Variants in SRSF10 observed in about 807,000 individuals in gnomAD.
The protein encoded by SRSF10 is serine and arginine rich splicing factor 10, also known as serine/arginine-rich splicing factor 10.
SRSF10 carries 9 observed loss-of-function variants against 32.6 expected under a neutral mutation model. That is an observed-to-expected ratio of 0.28 (90% CI 0.17 to 0.48). The LOEUF (loss-of-function observed/expected upper bound fraction) is 0.48, where lower values mean the gene tolerates loss of function less well. Among genes scored for constraint, SRSF10 ranks in the 20% least tolerant of loss-of-function variants. SRSF10 has a pLI of 0.99. For synonymous variants in SRSF10, 105 were observed against 112.4 expected, an observed-to-expected ratio of 0.93 and a Z score of 0.42; for missense variants, 201 against 331.8, an observed-to-expected ratio of 0.61 and a Z score of 3.06.
In SRSF10 at chr1:23,967,604, G is replaced by T; in HGVS notation, c.*3538C>A. On this transcript the variant is annotated 3_prime_UTR_variant, in exon 6 of 6. Transcript: ENST00000492112. ...ATATTCGTACAGTATTCATACTGCA[G>T]CACCTTCCACCCACCCTTTGGTCGC... 1.0e-6 allele frequency: 1 copy of T among 966,512 alleles called. No individual in the cohort carries two copies. The highest frequency in any genetic ancestry group is 1.7e-6 in the Non-Finnish European group (1 of 596,524). 59.9% of individuals were successfully genotyped at this position (966,512 alleles called of 1,614,324 possible).
chr1:23,975,635 C>T (rs1049223462), intron 2 of SRSF10: 1 of 152,272 alleles, frequency 6.6e-6, no homozygotes. Flanking sequence ...ATTTAACTGT[C>T]TTCCTTCCAC....
intron 2 of SRSF10, chr1:23,975,735 T>C (rs1031732032): frequency 2.0e-5 from 3 of 152,372 alleles, no homozygotes; most frequent in Admixed American, 6.5e-5. Flanking sequence ...AAAAGCGTTA[T>C]TACATCCATG....
chr1:23,971,903 T>A lies in SRSF10; in HGVS notation c.384A>T (p.Arg128Ser). 1 of 1,606,624 alleles carries A rather than the reference T, an allele frequency of 6.2e-7. No individual in the cohort carries two copies. The highest frequency in any genetic ancestry group is 8.5e-7 in the Non-Finnish European group (1 of 1,177,886). ...RSRSRSYERRRSRSRSFDYNY... is the reference protein window; with the variant it reads ...RSRSRSYERRSSRSRSFDYNY... ...TGTAATCAAAAGACCGACTTCTTGA[T>A]CTCCTCCTTTCATAACTTCGGCTTC... The change falls in exon 4 of 6, where the codon AGA (arginine) becomes AGT (serine). Residue 128 changes from arginine to serine, a missense_variant. Transcript: ENST00000492112.
Position 23,965,003 on chromosome 1 carries a change from GA to G in SRSF10, c.*6138del, listed in dbSNP as rs1641385219. 6.6e-6 allele frequency: 1 copy of G among 151,700 alleles called. No individual in the cohort carries two copies. The highest frequency in any genetic ancestry group is 2.1e-4 in the South Asian group (1 of 4,830). 9.4% of individuals were successfully genotyped at this position (151,700 alleles called of 1,614,324 possible). The stretch of plus-strand genomic sequence containing the variant: ...GTGAAACAGCTGTTACAAATACACA[GA>G]AACATAATAAAGATAACCAACACTG... On this transcript the variant is annotated 3_prime_UTR_variant, in exon 6 of 6. Coordinates refer to ENST00000492112, the MANE Select transcript of SRSF10 (RefSeq NM_054016.4).
At chr1:23,977,401 G>A (rs1642156994) in intron 2 of SRSF10, 1 of 152,254 alleles carries the variant, frequency 6.6e-6, no homozygotes, top group Non-Finnish European at 1.5e-5. Flanking sequence ...AACTCATTCA[G>A]GGCCAACTGA....
rs1257783554 is a variant in SRSF10, at chr1:23,970,094, C to T, written c.*1048G>A. On this transcript the variant is annotated 3_prime_UTR_variant, in exon 6 of 6. Coordinates refer to ENST00000492112, the MANE Select transcript of SRSF10 (RefSeq NM_054016.4). ...AACTAAGCAATATTATGGTCAACAA[C>T]GCTCCTTAAACTTTAGAATAACTAC... 2.9e-5 allele frequency: 29 copies of T among 985,280 alleles called. No homozygotes were observed. Among genetic ancestry groups the T allele is most frequent in the African/African-American group, 3.5e-5 (2 of 57,224 alleles). The allele number at this position is 985,280 out of a possible 1,614,324, so 61.0% of individuals were successfully genotyped here.
chr1:23,979,554 G>A (rs998652866), intron 1 of SRSF10, among the ~76,000 whole-genome samples: 46 of 152,254 alleles, frequency 3.0e-4, no homozygotes, highest in Admixed American at 2.1e-3. Context: ...AGCTGTCAAC[G>A]TCCTAATGAC....
rs1271618648 is a variant in SRSF10, at chr1:23,969,670, C to T, written c.*1472G>A. On this transcript the variant is annotated 3_prime_UTR_variant, in exon 6 of 6. Coordinates refer to ENST00000492112, the MANE Select transcript of SRSF10 (RefSeq NM_054016.4). ...CTTTTTATTCTGAAATGAAATTGGA[C>T]ATGTCAAGTCACTTTTGTCCCCAAA... 1.0e-5 allele frequency: 10 copies of T among 985,078 alleles called. No homozygotes were observed. Among genetic ancestry groups the T allele is most frequent in the Non-Finnish European group, 1.2e-5 (10 of 829,610 alleles). The allele number at this position is 985,078 out of a possible 1,614,324, so 61.0% of individuals were successfully genotyped here.
intron 2 of SRSF10, 153 bp downstream of exon 2, chr1:23,978,560 A>G: frequency 1.0e-6 from 1 of 963,994 alleles, no homozygotes; most frequent in Non-Finnish European, 1.4e-6. Context: ...TAATAACGAG[A>G]GCAATGTGTG....
At chr1:23,975,110 CA>C (rs1642005159) in intron 2 of SRSF10, 33 bp from the exon 3 acceptor site, 14 of 1,563,772 alleles carry the variant, frequency 9.0e-6, no homozygotes, top group Non-Finnish European at 1.1e-5. Flanking sequence ...GGAAGTTTTG[CA>C]AACTTTGATA....
rs1641470696 is a variant in SRSF10, at chr1:23,966,741, A to C, written c.*4401T>G. On this transcript the variant is annotated 3_prime_UTR_variant, in exon 6 of 6. Transcript: ENST00000492112. ...CTCTAGTATATTACAGTCACTGCAC[A>C]ATAAACCAGTTTATTACAGATTAAA... The C allele has an allele frequency of 4.6e-5, 7 of 152,082 alleles. No homozygotes were observed. The South Asian group carries it at 1.4e-3, about 31-fold the overall frequency. 9.4% of individuals were successfully genotyped at this position (152,082 alleles called of 1,614,324 possible).
chr1:23,972,802 C>T (rs1641852700), intron 3 of SRSF10, among the ~76,000 whole-genome samples: 3 of 148,482 alleles, frequency 2.0e-5, no homozygotes, highest in South Asian at 2.2e-4. Flanking sequence ...AGTGCGATGG[C>T]GCAATCTCGG....
At chr1:23,980,044 G>A (rs1642367488) in intron 1 of SRSF10, 147 bp downstream of exon 1, 3 of 844,864 alleles carry the variant, frequency 3.6e-6, no homozygotes, top group Admixed American at 3.7e-5. Flanking sequence ...GAGGCCCGCT[G>A]CGCGGCCTAG....
intron 3 of SRSF10, 68 bp from the exon 4 acceptor site, chr1:23,972,080 G>C (rs1177469794): frequency 7.4e-7 from 1 of 1,343,380 alleles, no homozygotes; most frequent in Non-Finnish European, 9.8e-7. Flanking sequence ...CAATAAATAG[G>C]GAAAAAAATC....
Position 23,964,489 on chromosome 1 carries a change from CT to C in SRSF10, c.*6652del, listed in dbSNP as rs1241336677. 6.6e-6 allele frequency among the ~76,000 whole-genome samples: 1 copy of C among 151,908 alleles called. No individual in the cohort carries two copies. The highest frequency in any genetic ancestry group is 1.5e-5 in the Non-Finnish European group (1 of 67,862). On this transcript the variant is annotated 3_prime_UTR_variant, in exon 6 of 6. Coordinates refer to ENST00000492112, the MANE Select transcript of SRSF10 (RefSeq NM_054016.4). ...TGCTGAAGTCAGCCATACTGTGAAC[CT>C]TAGGTAAATGCTGTAATTTCAATTT...
chr1:23,970,107 T>G lies in SRSF10; in HGVS notation c.*1035A>C, dbSNP rs1641654452. 3 of 985,298 alleles carry G rather than the reference T, an allele frequency of 3.0e-6. No individual in the cohort carries two copies. The highest frequency in any genetic ancestry group is 3.5e-5 in the African/African-American group (2 of 57,244). 61.0% of individuals were successfully genotyped at this position (985,298 alleles called of 1,614,324 possible). On this transcript the variant is annotated 3_prime_UTR_variant, in exon 6 of 6. Coordinates refer to ENST00000492112, the MANE Select transcript of SRSF10 (RefSeq NM_054016.4). ...TATGGTCAACAACGCTCCTTAAACT[T>G]TAGAATAACTACATAAGAATATTCC...
At position 23,968,350 on chromosome 1, in the gene SRSF10, T is replaced by G. The variant is rs1641560225; in HGVS notation, c.*2792A>C. Among the ~76,000 whole-genome samples the G allele has an allele frequency of 6.6e-6, 1 of 152,120 alleles. No individual in the cohort carries two copies. Among genetic ancestry groups the G allele is most frequent in the African/African-American group, 2.4e-5 (1 of 41,424 alleles). Reference sequence around the variant, plus strand: ...AAATGAACAATTTCAATGAGCTATCTCCTCAATCTACTTCTCTCAAATTAT... The same window carrying G: ...AAATGAACAATTTCAATGAGCTATCGCCTCAATCTACTTCTCTCAAATTAT... On this transcript the variant is annotated 3_prime_UTR_variant, in exon 6 of 6. Coordinates refer to ENST00000492112, the MANE Select transcript of SRSF10 (RefSeq NM_054016.4).
At position 23,967,847 on chromosome 1, in the gene SRSF10, A is replaced by G. The variant is rs1211268438; in HGVS notation, c.*3295T>C. On this transcript the variant is annotated 3_prime_UTR_variant, in exon 6 of 6. Transcript: ENST00000492112. ...GCCAAATTTTCAAGAGAATAATACA[A>G]TAGTTCCCAGGTCTTTCCCCTGGGA... The G allele has an allele frequency of 6.4e-7, 1 of 1,555,728 alleles. No individual in the cohort carries two copies. The highest frequency in any genetic ancestry group is 8.7e-7 in the Non-Finnish European group (1 of 1,148,818).
At chr1:23,974,832 C>CA (rs113600652) in intron 3 of SRSF10, 142 bp downstream of exon 3, 37,168 of 471,562 alleles carry the variant, frequency 0.079, 8 homozygotes, top group Middle Eastern at 0.098. Flanking sequence ...GACTCCGTCT[C>CA]AAAAAAAAAA....
Sources: allele counts gnomAD v4.1 joint callset (sites outside exome capture counted in the v4.1 genomes callset), GRCh38; gene constraint gnomAD v4.1.1; transcripts MANE v1.5; gene names NCBI Gene and HGNC (gene_info 2026-07-23, HGNC 2026-07-21).